CDH12: variants seen among roughly 807,000 people sequenced by gnomAD.
CDH12 encodes cadherin-12.
CDH12 carries 41 observed loss-of-function variants against 74.1 expected under a neutral mutation model. The observed-to-expected ratio is 0.55, with a 90% CI of 0.43 to 0.72. The LOEUF (loss-of-function observed/expected upper bound fraction) is 0.72. CDH12 is among the 30% of genes least tolerant of loss of function. The pLI, the probability that CDH12 is intolerant of heterozygous loss-of-function variation, is 0.00. For synonymous variants in CDH12, 399 were observed against 355.0 expected, an observed-to-expected ratio of 1.12 and a Z score of -1.39; for missense variants, 945 against 977.2, an observed-to-expected ratio of 0.97 and a Z score of 0.44.
intron 5 of CDH12, among the ~76,000 whole-genome samples, chr5:22,049,854 C>T (rs1265656699): frequency 6.6e-6 from 1 of 152,086 alleles, no homozygotes; most frequent in Non-Finnish European, 1.5e-5. Context: ...TTCTCTTCCT[C>T]AAGTTTAATC....
At chr5:21,865,528 C>T (rs1751279581) in intron 6 of CDH12, among the ~76,000 whole-genome samples, 1 of 152,110 alleles carries the variant, frequency 6.6e-6, no homozygotes, top group South Asian at 2.1e-4. Context: ...ATCCAGAGTG[C>T]CCTCCACAGA....
chr5:22,287,584 G>A (rs968473164), intron 3 of CDH12, among the ~76,000 whole-genome samples: 12 of 151,696 alleles, frequency 7.9e-5, no homozygotes, highest in African/African-American at 1.2e-4. Flanking sequence ...ATTAGCCGGC[G>A]CGGTGGCGGG....
At chr5:22,330,507 C>A (rs1469661653) in intron 3 of CDH12, among the ~76,000 whole-genome samples, 1 of 152,040 alleles carries the variant, frequency 6.6e-6, no homozygotes, top group African/African-American at 2.4e-5. Flanking sequence ...AATCCCAGCA[C>A]TTTGGGAGGT....
intron 6 of CDH12, among the ~76,000 whole-genome samples, chr5:21,859,204 C>T (rs6879184): frequency 0.12 from 17,456 of 151,754 alleles, 2,005 homozygotes; most frequent in African/African-American, 0.3. Context: ...CTGGGTCATT[C>T]ATAAAGAAAA....
intron 4 of CDH12, among the ~76,000 whole-genome samples, chr5:22,192,370 C>A (rs1276241580): frequency 1.3e-5 from 2 of 152,090 alleles, no homozygotes; most frequent in Non-Finnish European, 2.9e-5. Flanking sequence ...GGAGCCATGA[C>A]AAACTAATAA....
At chr5:22,426,385 A>G (rs1262427312) in intron 2 of CDH12, among the ~76,000 whole-genome samples, 1 of 151,698 alleles carries the variant, frequency 6.6e-6, no homozygotes, top group Non-Finnish European at 1.5e-5. Flanking sequence ...AATTTCCATA[A>G]ACTACACATA....
intron 1 of CDH12, among the ~76,000 whole-genome samples, chr5:22,704,900 C>T (rs1330166860): frequency 6.6e-6 from 1 of 151,782 alleles, no homozygotes; most frequent in East Asian, 1.9e-4. Flanking sequence ...TTCCACCTTC[C>T]TTATACAATG....
chr5:22,404,972 G>T lies in CDH12; in HGVS notation c.-333+285C>A, dbSNP rs555333774. Among the ~76,000 whole-genome samples, 41 of 152,284 alleles carry T rather than the reference G, an allele frequency of 2.7e-4. 1 individual carries two copies. Among genetic ancestry groups the T allele is most frequent in the South Asian group, 8.3e-4 (4 of 4,826 alleles). On this transcript the variant is annotated intron_variant, in intron 3 of 14. Transcript: ENST00000382254. ...CGCCTATAATTCCAGCTCTTTGGGA[G>T]GCCAAAGCAGGTGGATCACCTGAGG...
intron 1 of CDH12, among the ~76,000 whole-genome samples, chr5:22,599,980 T>G (rs2126810863): frequency 6.6e-6 from 1 of 152,244 alleles, no homozygotes; most frequent in South Asian, 2.1e-4. Flanking sequence ...AATCTATTTT[T>G]TCTAATGAGC....
chr5:21,971,670 T>A (rs374325709), intron 6 of CDH12, among the ~76,000 whole-genome samples: 1 of 152,160 alleles, frequency 6.6e-6, no homozygotes, highest in Non-Finnish European at 1.5e-5. Flanking sequence ...ACCCCACTTA[T>A]GCATAATCAT....
At chr5:22,762,471 A>T (rs13163835) in intron 1 of CDH12, among the ~76,000 whole-genome samples, 1 of 152,124 alleles carries the variant, frequency 6.6e-6, no homozygotes, top group Non-Finnish European at 1.5e-5. Flanking sequence ...TTAAAATAAC[A>T]CAGGCAAGTA....
chr5:21,754,439 G>C (rs12522880), intron 14 of CDH12, among the ~76,000 whole-genome samples: 5,442 of 152,162 alleles, frequency 0.036, 178 homozygotes, highest in Admixed American at 0.094. Context: ...TGTCCTTAAG[G>C]TTTATATTAA....
At chr5:22,024,356 C>T (rs1006997190) in intron 5 of CDH12, among the ~76,000 whole-genome samples, 1 of 152,098 alleles carries the variant, frequency 6.6e-6, no homozygotes, top group Non-Finnish European at 1.5e-5. Flanking sequence ...AGACAATACT[C>T]TTCAACTTAA....
intron 1 of CDH12, among the ~76,000 whole-genome samples, chr5:22,655,739 T>C (rs892567920): frequency 3.9e-5 from 6 of 152,248 alleles, no homozygotes; most frequent in Non-Finnish European, 8.8e-5. Context: ...GATTTGCCTT[T>C]GTTTATGCTG....
intron 1 of CDH12, among the ~76,000 whole-genome samples, chr5:22,530,258 C>A (rs1220789906): frequency 1.3e-5 from 2 of 152,062 alleles, no homozygotes; most frequent in Admixed American, 1.3e-4. Flanking sequence ...CTTGTAAGAG[C>A]ATATATGCTT....
intron 5 of CDH12, among the ~76,000 whole-genome samples, chr5:22,002,604 T>C (rs1184474753): frequency 6.6e-6 from 1 of 152,154 alleles, no homozygotes; most frequent in African/African-American, 2.4e-5. Flanking sequence ...GTAAATAATG[T>C]GTTTGAGCAA....
At chr5:22,041,125 A>AT (rs1433615909) in intron 5 of CDH12, among the ~76,000 whole-genome samples, 15 of 152,228 alleles carry the variant, frequency 9.9e-5, no homozygotes, top group African/African-American at 3.6e-4. Flanking sequence ...AGAATAGTCT[A>AT]TTTTAACTTT....
chr5:22,140,186 G>T (rs147005132), intron 4 of CDH12, among the ~76,000 whole-genome samples: 2 of 151,990 alleles, frequency 1.3e-5, no homozygotes, highest in African/African-American at 2.4e-5. Flanking sequence ...AATTTTTGCC[G>T]AGTGCTATTG....
At chr5:22,133,629 T>A (rs1386327521) in intron 4 of CDH12, among the ~76,000 whole-genome samples, 1 of 152,126 alleles carries the variant, frequency 6.6e-6, no homozygotes, top group African/African-American at 2.4e-5. Context: ...TCAGAACCAC[T>A]GCAATTTCTC....
Sources: gnomAD v4.1 joint callset for allele counts (sites outside exome capture counted in the v4.1 genomes callset) on GRCh38, gnomAD v4.1.1 for gene constraint, MANE v1.5 for transcripts, NCBI Gene and HGNC (gene_info 2026-07-23, HGNC 2026-07-21) for gene names.